The following BRD9 variants were observed in gnomAD, a reference collection of about 807,000 sequenced individuals.
BRD9 encodes bromodomain-containing protein 9.
BRD9 carries 47 observed loss-of-function variants against 68.7 expected under a neutral mutation model. The ratio of observed to expected loss-of-function variants is 0.68; its 90% CI spans 0.54 to 0.87. The LOEUF (loss-of-function observed/expected upper bound fraction) is 0.87. Ranked by LOEUF, BRD9 falls within the 40% of genes least tolerant of loss-of-function variation. BRD9 has a pLI of 0.00. For synonymous variants in BRD9, 313 were observed against 293.9 expected (o/e 1.06, Z -0.67); for missense variants, 670 against 748.4 (o/e 0.90, Z 1.22).
At chr5:892,258 G>A in intron 1 of BRD9, 1 of 462,448 alleles carries the variant, frequency 2.2e-6, no homozygotes, top group South Asian at 2.8e-5. Context: ...GAGCTGCTGC[G>A]GGAGCAAGGG....
chr5:891,255 G>A lies in BRD9; in HGVS notation c.300C>T (p.His100=), dbSNP rs1047035749. 31 of 1,551,710 alleles carry A rather than the reference G, an allele frequency of 2.0e-5. No homozygotes were observed. In the East Asian group the frequency reaches 3.9e-4, roughly 20 times the overall value. ...CGTCAGCCTCTCCCTCCGTGTCACA[G>A]TGCTCCCTCTCTCGCTTCCGCTTCT... The part of the protein sequence containing the change: ...EEKKRKRERE[H]CDTEGEADDF... Residue 100 remains histidine (H), a synonymous_variant, in exon 3 of 16, where the codon CAC becomes CAT. Transcript: ENST00000467963.
intron 2 of BRD9, 69 bp downstream of exon 2, chr5:891,571 G>C (rs763271055): frequency 1.6e-4 from 249 of 1,520,588 alleles, no homozygotes; most frequent in Middle Eastern, 2.2e-4. Flanking sequence ...ACTCTGCCTG[G>C]GTCCTGGGAC....
intron 7 of BRD9, among the ~76,000 whole-genome samples, 180 bp from the exon 8 acceptor site, chr5:884,250 T>G (rs945832713): frequency 5.9e-5 from 9 of 152,130 alleles, no homozygotes; most frequent in African/African-American, 2.2e-4. Flanking sequence ...AAATGACAAA[T>G]TAAGACACTT....
intron 8 of BRD9, chr5:883,071 G>A (rs775987733): frequency 1.0e-4 from 35 of 349,692 alleles, no homozygotes; most frequent in East Asian, 6.2e-4. Flanking sequence ...CGTGAGCCAC[G>A]CAGACCACGA....
chr5:869,309 G>A (rs77270720), intron 14 of BRD9: 4,780 of 456,108 alleles, frequency 0.01, 148 homozygotes, highest in African/African-American at 0.07. Context: ...ACAGAAATCT[G>A]AAGGTTGACA....
At chr5:880,538 C>G (rs561996219) in intron 9 of BRD9, among the ~76,000 whole-genome samples, 1 of 152,018 alleles carries the variant, frequency 6.6e-6, no homozygotes, top group African/African-American at 2.4e-5. Flanking sequence ...AGAGGCAACC[C>G]GTGCCAGGCT....
At chr5:868,293 T>G (rs1305396318) in intron 14 of BRD9, among the ~76,000 whole-genome samples, 1 of 152,222 alleles carries the variant, frequency 6.6e-6, no homozygotes, top group South Asian at 2.1e-4. Context: ...ATGACCAGTC[T>G]CAGGTGGTTC....
intron 11 of BRD9, among the ~76,000 whole-genome samples, chr5:877,970 A>T (rs1751208756): frequency 6.6e-6 from 1 of 152,206 alleles, no homozygotes; most frequent in African/African-American, 2.4e-5. Context: ...AGGGCTCGGG[A>T]GGAACCAGCC....
chr5:883,139 C>T, intron 8 of BRD9: 1 of 367,868 alleles, frequency 2.7e-6, no homozygotes, highest in Non-Finnish European at 5.3e-6. Context: ...CCACACAGAG[C>T]ACTGCAACTT....
At chr5:864,697 C>T in intron 15 of BRD9, 129 bp from the exon 16 acceptor site, 2 of 702,660 alleles carry the variant, frequency 2.8e-6, no homozygotes, top group Non-Finnish European at 4.8e-6. Context: ...ACAGGGGCAC[C>T]TCTCACTCCC....
chr5:875,757 G>A (rs1750812541), intron 12 of BRD9, among the ~76,000 whole-genome samples: 1 of 152,168 alleles, frequency 6.6e-6, no homozygotes, highest in South Asian at 2.1e-4. Context: ...AAATGAAGAT[G>A]AAATAAAGAC....
chr5:871,644 C>A (rs956278242), intron 12 of BRD9, 80 bp from the exon 13 acceptor site: 2 of 1,337,202 alleles, frequency 1.5e-6, no homozygotes, highest in Non-Finnish European at 2.2e-6. Flanking sequence ...ATTACACACA[C>A]GTAAAAATGG....
At chr5:877,896 G>T (rs531765583) in intron 11 of BRD9, among the ~76,000 whole-genome samples, 1 of 152,108 alleles carries the variant, frequency 6.6e-6, no homozygotes, top group Non-Finnish European at 1.5e-5. Flanking sequence ...ACAGACACAC[G>T]CAGGATGGCC....
chr5:881,310 C>A, intron 8 of BRD9, 128 bp from the exon 9 acceptor site: 2 of 838,888 alleles, frequency 2.4e-6, no homozygotes, highest in South Asian at 1.6e-5. Context: ...CGCCAGAGGG[C>A]CCCTCACGGC....
chr5:883,780 G>T, intron 8 of BRD9, 158 bp downstream of exon 8: 1 of 1,050,782 alleles, frequency 9.5e-7, no homozygotes, highest in Non-Finnish European at 1.4e-6. Context: ...GAAGAGACCA[G>T]CCTTATGTGT....
chr5:876,961 C>G (rs573507586), intron 11 of BRD9, among the ~76,000 whole-genome samples: 1 of 152,224 alleles, frequency 6.6e-6, no homozygotes, highest in Admixed American at 6.5e-5. Context: ...GGTGTCTGTG[C>G]GCTGAGGCTG....
intron 1 of BRD9, 69 bp downstream of exon 1, chr5:892,516 GGTGCCCAGGACCCCCGTCCGC>G: frequency 1.3e-6 from 2 of 1,490,986 alleles, no homozygotes; most frequent in Non-Finnish European, 1.8e-6. Context: ...GACCTCGCCC[GGTGCCCAGGACCCCCGTCCGC>G]GTGCCCGGAA....
rs964809663 is a variant in BRD9, at chr5:892,658, G to T, written c.-1C>A. The T allele has an allele frequency of 1.3e-5, 18 of 1,418,580 alleles. No individual in the cohort carries two copies. The highest frequency in any genetic ancestry group is 1.6e-5 in the Non-Finnish European group (17 of 1,084,604). 87.9% of individuals were successfully genotyped at this position (1,418,580 alleles called of 1,614,324 possible). On this transcript the variant is annotated 5_prime_UTR_variant, in exon 1 of 16. Coordinates refer to ENST00000467963, the MANE Select transcript of BRD9 (RefSeq NM_023924.5). ...TGTGCTTCTTGTGCTTCTTGCCCAT[G>T]GCGGCGCCGGCGGCGGGCCCGAGGC...
At chr5:871,013 T>A (rs1046894790) in intron 13 of BRD9, among the ~76,000 whole-genome samples, 2 of 152,294 alleles carry the variant, frequency 1.3e-5, no homozygotes, top group East Asian at 1.9e-4. Context: ...TCTCATCAGC[T>A]CCCTGCAGCT....
Sources: gnomAD v4.1 joint callset for allele counts (sites outside exome capture counted in the v4.1 genomes callset) on GRCh38, gnomAD v4.1.1 for gene constraint, MANE v1.5 for transcripts, NCBI Gene and HGNC (gene_info 2026-07-23, HGNC 2026-07-21) for gene names.